PAM: variants seen among roughly 807,000 people sequenced by gnomAD.
PAM encodes peptidylglycine alpha-amidating monooxygenase, also known as peptidyl-glycine alpha-amidating monooxygenase.
Under a neutral mutation model 122.1 loss-of-function variants are expected in PAM, and 72 were observed. The observed-to-expected ratio is 0.59, with a 90% CI of 0.49 to 0.72. The LOEUF (loss-of-function observed/expected upper bound fraction) is 0.72. Among genes scored for constraint, PAM ranks in the 30% least tolerant of loss-of-function variants. The pLI, the probability that PAM is intolerant of heterozygous loss-of-function variation, is 0.00. For synonymous variants in PAM, 389 were observed against 404.4 expected, an observed-to-expected ratio of 0.96 and a Z score of 0.46; for missense variants, 1,106 against 1,183.7, an observed-to-expected ratio of 0.93 and a Z score of 0.96.
At chr5:102,756,053 C>T (rs962872635) in intron 1 of PAM, among the ~76,000 whole-genome samples, 3 of 152,124 alleles carry the variant, frequency 2.0e-5, no homozygotes, top group Non-Finnish European at 2.9e-5. Context: ...CCTTGGGACC[C>T]GCCCCATCGG....
chr5:102,881,514 A>G (rs1274325290), intron 3 of PAM, among the ~76,000 whole-genome samples: 2 of 152,060 alleles, frequency 1.3e-5, no homozygotes, highest in Non-Finnish European at 2.9e-5. Flanking sequence ...AAGTAGAGTT[A>G]TCTTCTAAAG....
At chr5:102,936,217 A>ATT (rs969544969) in intron 7 of PAM, among the ~76,000 whole-genome samples, 14 of 152,040 alleles carry the variant, frequency 9.2e-5, no homozygotes, top group African/African-American at 3.4e-4. Context: ...TGGTGGGAAA[A>ATT]TTTACATTGA....
At chr5:102,785,869 A>G (rs1760380096) in intron 1 of PAM, among the ~76,000 whole-genome samples, 1 of 132,206 alleles carries the variant, frequency 7.6e-6, no homozygotes, top group South Asian at 2.2e-4. Context: ...AACTTTTTAA[A>G]AATCATTCAT....
chr5:102,888,262 A>G (rs552404989), intron 3 of PAM, among the ~76,000 whole-genome samples: 1 of 151,976 alleles, frequency 6.6e-6, no homozygotes, highest in Admixed American at 6.6e-5. Context: ...CTTAATCCAG[A>G]CAGCAACACT....
chr5:102,774,011 C>T (rs1756474325), intron 1 of PAM, among the ~76,000 whole-genome samples: 2 of 152,078 alleles, frequency 1.3e-5, no homozygotes, highest in South Asian at 4.1e-4. Flanking sequence ...GTTAAAACCT[C>T]CAGCTCCACC....
At chr5:102,852,092 A>G (rs1342223674) in intron 1 of PAM, among the ~76,000 whole-genome samples, 1 of 152,190 alleles carries the variant, frequency 6.6e-6, no homozygotes, top group East Asian at 1.9e-4. Context: ...CTATCCCTGA[A>G]TCAATGATGC....
At chr5:102,975,358 G>GA (rs1390625176) in intron 15 of PAM, among the ~76,000 whole-genome samples, 8 of 151,810 alleles carry the variant, frequency 5.3e-5, no homozygotes, top group Non-Finnish European at 1.0e-4. Flanking sequence ...ATTTATAATT[G>GA]AAAAAAAATT....
At chr5:102,760,885 A>C (rs1016191900) in intron 1 of PAM, among the ~76,000 whole-genome samples, 13 of 152,254 alleles carry the variant, frequency 8.5e-5, no homozygotes, top group Non-Finnish European at 1.2e-4. Flanking sequence ...GACTGGGCAG[A>C]CTGGGACCAT....
chr5:102,797,192 C>T (rs1763586792), intron 1 of PAM, among the ~76,000 whole-genome samples: 1 of 152,082 alleles, frequency 6.6e-6, no homozygotes, highest in South Asian at 2.1e-4. Flanking sequence ...TAATGAGTCT[C>T]TTATTTTTAT....
At chr5:102,829,449 G>A (rs954141881) in intron 1 of PAM, among the ~76,000 whole-genome samples, 8 of 148,250 alleles carry the variant, frequency 5.4e-5, no homozygotes, top group African/African-American at 2.0e-4. Context: ...TCGGTTCACT[G>A]CAAGCTCCGC....
intron 23 of PAM, among the ~76,000 whole-genome samples, chr5:103,023,109 G>A (rs1784058948): frequency 6.6e-6 from 1 of 151,978 alleles, no homozygotes; most frequent in Non-Finnish European, 1.5e-5. Flanking sequence ...TGCTGTGTAT[G>A]TATTATATCT....
chr5:102,787,670 A>T (rs921193462), intron 1 of PAM, among the ~76,000 whole-genome samples: 2 of 151,934 alleles, frequency 1.3e-5, no homozygotes, highest in Non-Finnish European at 2.9e-5. Context: ...TTAGCAAGGA[A>T]ATTTGTATTT....
Position 102,974,397 on chromosome 5 carries a change from C to G in PAM, c.1444C>G (p.Pro482Ala), listed in dbSNP as rs1766921418. The change falls in exon 15 of 26, where the codon CCA becomes GCA. Residue 482 changes from proline to alanine, a missense_variant. Transcript: ENST00000438793. ...CAGAGTTTTCTCATTACAGCAGCCCCCACCTGGTGAAGGCACCTGGGAACC... is the reference window on the plus strand; with the variant it reads ...CAGAGTTTTCTCATTACAGCAGCCCGCACCTGGTGAAGGCACCTGGGAACC... ...ESRVFSLQQP[P>A]PGEGTWEPEH... The G allele has an allele frequency of 3.7e-6, 6 of 1,613,724 alleles. No homozygotes were observed.
At chr5:102,811,936 T>C (rs534159606) in intron 1 of PAM, among the ~76,000 whole-genome samples, 1 of 152,364 alleles carries the variant, frequency 6.6e-6, no homozygotes, top group East Asian at 1.9e-4. Flanking sequence ...ATATTTTTAT[T>C]GAGAGGCTCA....
chr5:102,990,377 G>C lies in PAM; in HGVS notation c.1589G>C (p.Arg530Thr), dbSNP rs923564659. 1.9e-6 allele frequency: 3 copies of C among 1,605,688 alleles called. No homozygotes were observed. The highest frequency in any genetic ancestry group is 1.7e-4 in the Middle Eastern group (1 of 6,022). ...AAGAATAACCTGGTGATTTTCCACA[G>C]AGGTGACCATGTCTGGGATGGAAAG... The part of the protein sequence containing the change: ...DPKNNLVIFH[R>T]GDHVWDGNSF... The change falls in exon 16 of 26, where the codon AGA becomes ACA. Residue 530 changes from arginine (R) to threonine (T), a missense_variant. Around this residue, in one of 3 missense-constraint regions of PAM, gnomAD observed 670 missense variants for 690.3 expected, o/e 0.97. Transcript: ENST00000438793.
chr5:103,022,269 C>T (rs1783781341), intron 23 of PAM, among the ~76,000 whole-genome samples: 1 of 151,786 alleles, frequency 6.6e-6, no homozygotes, highest in South Asian at 2.1e-4. Flanking sequence ...GTGATATATG[C>T]ACTTTTCATG....
At chr5:102,992,165 G>C (rs3776863) in intron 16 of PAM, among the ~76,000 whole-genome samples, 39,066 of 151,762 alleles carry the variant, frequency 0.26, 5,577 homozygotes, top group East Asian at 0.43. Flanking sequence ...TAGGTAACCA[G>C]GATCCTGTGG....
At chr5:102,801,395 A>G (rs934285340) in intron 1 of PAM, among the ~76,000 whole-genome samples, 1 of 152,204 alleles carries the variant, frequency 6.6e-6, no homozygotes, top group Non-Finnish European at 1.5e-5. Context: ...CATTTGGTTT[A>G]TGTGGGCTGC....
intron 1 of PAM, among the ~76,000 whole-genome samples, chr5:102,760,932 C>G (rs73774890): frequency 6.6e-6 from 1 of 152,220 alleles, no homozygotes; most frequent in Admixed American, 6.5e-5. Flanking sequence ...CAGCGTTACT[C>G]AAATCATGTG....
Sources: gnomAD v4.1 joint callset for allele counts (sites outside exome capture counted in the v4.1 genomes callset) on GRCh38, gnomAD v4.1.1 for gene constraint, gnomAD v4.1.1 regional missense constraint, MANE v1.5 for transcripts, NCBI Gene and HGNC (gene_info 2026-07-23, HGNC 2026-07-21) for gene names.